Variants in NDUFA10 observed in about 807,000 individuals in gnomAD.
The protein encoded by NDUFA10 is NADH dehydrogenase [ubiquinone] 1 alpha subcomplex subunit 10, mitochondrial.
A neutral mutation model predicts 47.8 loss-of-function variants in NDUFA10; 40 were observed. The ratio of observed to expected loss-of-function variants is 0.84; its 90% CI spans 0.65 to 1.09. The LOEUF is 1.09. NDUFA10 is among the 50% of genes least tolerant of loss of function. NDUFA10 has a pLI of 0.00. For missense variants in NDUFA10, 413 were observed against 451.1 expected (o/e 0.92, Z 0.76); for synonymous variants, 183 against 172.2 (o/e 1.06, Z -0.49).
intron 9 of NDUFA10, chr2:239,983,424 TTTA>T (rs1695866010): frequency 1.4e-6 from 2 of 1,476,736 alleles, no homozygotes; most frequent in Admixed American, 2.3e-5. Context: ...GTCATTATTA[TTTA>T]TTACTATTTA....
At chr2:239,900,080 A>G (rs986844923) in intron 4 of NDUFA10, among the ~76,000 whole-genome samples, 10 of 151,926 alleles carry the variant, frequency 6.6e-5, no homozygotes, top group African/African-American at 1.2e-4. Flanking sequence ...CCCGTGGTGG[A>G]TGCTTCCTGC....
intron 4 of NDUFA10, among the ~76,000 whole-genome samples, chr2:239,915,701 A>C (rs1298367581): frequency 6.6e-5 from 10 of 152,048 alleles, no homozygotes; most frequent in African/African-American, 2.4e-4. Context: ...ACACACATAC[A>C]TACACAGACA....
intron 8 of NDUFA10, among the ~76,000 whole-genome samples, chr2:240,000,763 A>G (rs1359025817): frequency 1.3e-5 from 2 of 152,238 alleles, no homozygotes; most frequent in East Asian, 3.8e-4. Flanking sequence ...ATACACAAAT[A>G]CTTACCGTCG....
chr2:239,975,306 G>A (rs1241043326), intron 9 of NDUFA10, among the ~76,000 whole-genome samples: 3 of 152,200 alleles, frequency 2.0e-5, no homozygotes, highest in African/African-American at 7.2e-5. Flanking sequence ...CTGCAGAACC[G>A]TGAGCCAATA....
rs139727121 is a variant in NDUFA10, at chr2:239,957,446, T to C, written c.*3672A>G. Reference sequence around the variant, plus strand: ...GAGCTTCCCAAAATGTAACCAGCAATTGGATCTAACTAACTAGGGAGCTTC... The same window carrying C: ...GAGCTTCCCAAAATGTAACCAGCAACTGGATCTAACTAACTAGGGAGCTTC... On this transcript the variant is annotated 3_prime_UTR_variant, in exon 10 of 10. Transcript: ENST00000252711. The C allele has an allele frequency of 1.5e-3, 229 of 152,270 alleles. No homozygotes were observed. The highest frequency in any genetic ancestry group is 5.4e-3 in the African/African-American group (224 of 41,566). The allele number at this position is 152,270 out of a possible 1,614,324, so 9.4% of individuals were successfully genotyped here. A position where few individuals can be genotyped will look rare whatever the true frequency, so the allele number is the denominator to read the frequency against.
At chr2:239,898,477 G>C (rs560081540) in intron 4 of NDUFA10, among the ~76,000 whole-genome samples, 1 of 152,340 alleles carries the variant, frequency 6.6e-6, no homozygotes, top group Admixed American at 6.5e-5. Flanking sequence ...CCAGGACTGG[G>C]AGCTGATGCC....
chr2:239,902,624 G>C (rs1180067518), intron 4 of NDUFA10, among the ~76,000 whole-genome samples: 1 of 152,164 alleles, frequency 6.6e-6, no homozygotes, highest in African/African-American at 2.4e-5. Context: ...GTACACACTT[G>C]TACACTCTGT....
intron 9 of NDUFA10, among the ~76,000 whole-genome samples, chr2:239,981,032 G>A (rs1016505961): frequency 2.6e-5 from 4 of 152,248 alleles, no homozygotes; most frequent in African/African-American, 9.6e-5. Flanking sequence ...CAACAAAGGT[G>A]CCATCAATCC....
intron 8 of NDUFA10, among the ~76,000 whole-genome samples, chr2:239,998,760 G>A (rs1036944482): frequency 1.3e-5 from 2 of 152,192 alleles, no homozygotes; most frequent in African/African-American, 2.4e-5. Flanking sequence ...CTGCCCATAT[G>A]TTACTGTATT....
chr2:239,955,237 C>T (rs796891794), downstream of NDUFA10, among the ~76,000 whole-genome samples: 2 of 152,144 alleles, frequency 1.3e-5, no homozygotes, highest in South Asian at 2.1e-4. Context: ...GGGCGGGGGG[C>T]GAGGTCTGCT....
rs916106145 is a variant in NDUFA10 at position 239,961,064 on chromosome 2, G to A, written c.*54C>T. 15 of 1,612,818 alleles carry A rather than the reference G, an allele frequency of 9.3e-6. No individual in the cohort carries two copies. In the East Asian group the frequency reaches 1.8e-4, roughly 19 times the overall value. ...AGCTATATGGCGTCCAGGAGAGTGC[G>A]GCTGATGCAGCTTGGCCATCACTGT... On this transcript the variant is annotated 3_prime_UTR_variant, in exon 10 of 10. Transcript: ENST00000252711.
chr2:239,932,871 G>A (rs936730248), intron 4 of NDUFA10, among the ~76,000 whole-genome samples: 3 of 152,166 alleles, frequency 2.0e-5, no homozygotes, highest in South Asian at 2.1e-4. Context: ...GTGAGCCACC[G>A]CGCCTGGCCT....
At chr2:239,952,765 G>C (rs776183512), downstream of NDUFA10, among the ~76,000 whole-genome samples, 4 of 152,228 alleles carry the variant, frequency 2.6e-5, no homozygotes, top group Non-Finnish European at 4.4e-5. Flanking sequence ...CCAGGGCCCC[G>C]GAGGGGTGCA....
At chr2:240,024,979 G>A (rs1697795719) in intron 1 of NDUFA10, among the ~76,000 whole-genome samples, 2 of 14,722 alleles carry the variant, frequency 1.4e-4, no homozygotes, top group South Asian at 1.0e-3. Flanking sequence ...TCGGGGCCCT[G>A]ATCACCTCCG....
chr2:239,934,503 C>T (rs1694230457), intron 4 of NDUFA10, among the ~76,000 whole-genome samples: 1 of 151,964 alleles, frequency 6.6e-6, no homozygotes, highest in Non-Finnish European at 1.5e-5. Flanking sequence ...TTTTTATTGA[C>T]GAATTGTACA....
Position 240,011,764 on chromosome 2 carries a change from T to C in NDUFA10, c.670-68A>G, listed in dbSNP as rs1697154684. On this transcript the variant is annotated intron_variant, in intron 5 of 9. Transcript: ENST00000252711. ...TCATTCTCTTTGACCTGTGCGTATA[T>C]AAAATGCGAAGACAATCACTGACCA... 13 of 1,376,692 alleles carry C rather than the reference T, an allele frequency of 9.4e-6. No homozygotes were observed. In the South Asian group the frequency reaches 1.5e-4, roughly 16 times the overall value. The allele number at this position is 1,376,692 out of a possible 1,614,324, so 85.3% of individuals were successfully genotyped here. A position where few individuals can be genotyped will look rare whatever the true frequency, so the allele number is the denominator to read the frequency against.
At chr2:239,915,040 A>AC (rs1352518771) in intron 4 of NDUFA10, among the ~76,000 whole-genome samples, 1 of 127,906 alleles carries the variant, frequency 7.8e-6, no homozygotes, top group African/African-American at 3.3e-5. Flanking sequence ...ACACACACAG[A>AC]ACACACACAT....
chr2:239,967,975 AAT>A (rs398043057), intron 9 of NDUFA10, among the ~76,000 whole-genome samples: 2 of 42,086 alleles, frequency 4.8e-5, no homozygotes, highest in Non-Finnish European at 9.3e-5. Flanking sequence ...CAAGGAAAAA[AAT>A]ATACACACAC....
chr2:239,911,612 T>C (rs1193855205), intron 4 of NDUFA10, among the ~76,000 whole-genome samples: 1 of 151,474 alleles, frequency 6.6e-6, no homozygotes, highest in East Asian at 1.9e-4. Flanking sequence ...AGACAAAGCA[T>C]AAAAGCACCC....
Sources: gnomAD v4.1 joint callset for allele counts (sites outside exome capture counted in the v4.1 genomes callset) on GRCh38, gnomAD v4.1.1 for gene constraint, MANE v1.5 for transcripts, NCBI Gene and HGNC (gene_info 2026-07-23, HGNC 2026-07-21) for gene names.